The following NCALD variants were observed in gnomAD, a reference collection of about 807,000 sequenced individuals.
NCALD encodes the protein neurocalcin delta, also known as neurocalcin-delta.
A neutral mutation model predicts 18.6 loss-of-function variants in NCALD; 10 were observed. The ratio of observed to expected loss-of-function variants is 0.54; its 90% CI spans 0.33 to 0.91. The LOEUF is 0.91. Among genes scored for constraint, NCALD ranks in the 40% least tolerant of loss-of-function variants. The pLI is 0.03. For synonymous variants in NCALD, 88 were observed against 87.4 expected, an observed-to-expected ratio of 1.01 and a Z score of -0.04; for missense variants, 184 against 247.6, an observed-to-expected ratio of 0.74 and a Z score of 1.72.
chr8:101,721,117 C>G (rs984852053), intron 1 of NCALD: 4 of 151,850 alleles, frequency 2.6e-5, no homozygotes, highest in African/African-American at 9.7e-5. Flanking sequence ...CAAGATAAAC[C>G]CCATCTCAAA....
At chr8:101,912,938 G>A (rs1181353824) in intron 3 of NCALD, among the ~76,000 whole-genome samples, 5 of 152,260 alleles carry the variant, frequency 3.3e-5, no homozygotes, top group East Asian at 1.9e-4. Flanking sequence ...CCTGTGAGAT[G>A]CCACATGGGA....
intron 1 of NCALD, among the ~76,000 whole-genome samples, chr8:101,763,969 C>CTCTCT (rs1563744221): frequency 1.6e-4 from 2 of 12,760 alleles, no homozygotes; most frequent in African/African-American, 3.1e-4. Context: ...TCTCTCTCCA[C>CTCTCT]ACACACACAC....
chr8:101,947,156 G>A (rs1285825574), intron 2 of NCALD, among the ~76,000 whole-genome samples: 4 of 152,206 alleles, frequency 2.6e-5, no homozygotes, highest in East Asian at 1.9e-4. Context: ...CTACTGAGAT[G>A]TGGAAGTGGT....
intron 1 of NCALD, among the ~76,000 whole-genome samples, chr8:102,082,293 C>T (rs1824574324): frequency 8.0e-6 from 1 of 125,648 alleles, no homozygotes; most frequent in African/African-American, 3.1e-5. Flanking sequence ...AGTGCAGTGG[C>T]GCAGTCTGGG....
chr8:102,041,625 CA>C (rs1823053405), intron 1 of NCALD, among the ~76,000 whole-genome samples: 1 of 152,216 alleles, frequency 6.6e-6, no homozygotes, highest in African/African-American at 2.4e-5. Flanking sequence ...CTTTCAAAGC[CA>C]GTTTGATACA....
At chr8:102,023,156 C>A (rs1822334165) in intron 1 of NCALD, among the ~76,000 whole-genome samples, 1 of 152,182 alleles carries the variant, frequency 6.6e-6, no homozygotes, top group African/African-American at 2.4e-5. Flanking sequence ...GCCCTGAAGG[C>A]CCAGGCAGTG....
chr8:102,075,994 C>T (rs1824333423), intron 1 of NCALD, among the ~76,000 whole-genome samples: 1 of 150,806 alleles, frequency 6.6e-6, no homozygotes, highest in East Asian at 1.9e-4. Context: ...AATAAATGTC[C>T]CCAAAGAGAA....
At chr8:101,810,280 A>G (rs1303602687) in intron 4 of NCALD, among the ~76,000 whole-genome samples, 2 of 152,108 alleles carry the variant, frequency 1.3e-5, no homozygotes, top group African/African-American at 2.4e-5. Context: ...CCTTGATTGT[A>G]TTGTCTGTAA....
intron 4 of NCALD, among the ~76,000 whole-genome samples, chr8:101,821,648 T>A (rs1035348062): frequency 7.2e-5 from 11 of 152,088 alleles, no homozygotes; most frequent in Non-Finnish European, 4.4e-5. Context: ...ATGGAAGTCA[T>A]CAAAGTGCTT....
At chr8:102,035,867 C>CCTTT (rs1283118573) in intron 1 of NCALD, among the ~76,000 whole-genome samples, 1 of 152,054 alleles carries the variant, frequency 6.6e-6, no homozygotes, top group Non-Finnish European at 1.5e-5. Flanking sequence ...TCATGGCAAC[C>CCTTT]CTTTCCCCAA....
In NCALD at chr8:101,982,406, A is replaced by G. The variant is rs1820652973; in HGVS notation, c.-157+37831T>C. Reference sequence around the variant, plus strand: ...TAAACTATAAGTTTTACAGTTTACAAAGCACTTTATAACTATAAACTAACT... The same window carrying G: ...TAAACTATAAGTTTTACAGTTTACAGAGCACTTTATAACTATAAACTAACT... On this transcript the variant is annotated intron_variant, in intron 2 of 6. Coordinates refer to the NCALD transcript ENST00000311028. Among the ~76,000 whole-genome samples the G allele has an allele frequency of 2.0e-5, 3 of 152,242 alleles. No individual in the cohort carries two copies. In the South Asian group the frequency reaches 6.2e-4, roughly 32 times the overall value.
chr8:101,825,421 G>A (rs750629230), intron 4 of NCALD, among the ~76,000 whole-genome samples: 2 of 152,252 alleles, frequency 1.3e-5, no homozygotes, highest in East Asian at 1.9e-4. Flanking sequence ...CAGTCTCAAC[G>A]GAAGCATCCT....
chr8:101,928,150 T>C (rs1818406187), intron 2 of NCALD, among the ~76,000 whole-genome samples: 1 of 152,118 alleles, frequency 6.6e-6, no homozygotes, highest in South Asian at 2.1e-4. Context: ...AAATAACTAA[T>C]TAAGATTGTC....
chr8:102,105,721 T>G (rs1208460705), intron 1 of NCALD, among the ~76,000 whole-genome samples: 1 of 152,192 alleles, frequency 6.6e-6, no homozygotes, highest in Non-Finnish European at 1.5e-5. Flanking sequence ...CCAGCTGTAC[T>G]TTGATTCACT....
chr8:101,836,119 A>G (rs1036248747), intron 4 of NCALD, among the ~76,000 whole-genome samples: 13 of 152,142 alleles, frequency 8.5e-5, no homozygotes, highest in South Asian at 4.2e-4. Context: ...CTCTTTTCCA[A>G]CTGAAGAGCC....
At chr8:101,980,392 G>T (rs1820575004) in intron 2 of NCALD, among the ~76,000 whole-genome samples, 1 of 152,162 alleles carries the variant, frequency 6.6e-6, no homozygotes, top group Admixed American at 6.6e-5. Flanking sequence ...AAGCAAGGAG[G>T]CCGGATTTAT....
chr8:102,043,604 G>A (rs1316949923), intron 1 of NCALD, among the ~76,000 whole-genome samples: 1 of 151,554 alleles, frequency 6.6e-6, no homozygotes, highest in Non-Finnish European at 1.5e-5. Flanking sequence ...TAAAATGTTA[G>A]GCGGTTAGTT....
chr8:101,843,143 C>A (rs1814712908), intron 4 of NCALD, among the ~76,000 whole-genome samples: 1 of 152,080 alleles, frequency 6.6e-6, no homozygotes, highest in African/African-American at 2.4e-5. Context: ...GTTATATGTG[C>A]ACAATAAACC....
Position 101,797,514 on chromosome 8 carries a change from T to C in NCALD, c.-19-77866A>G, listed in dbSNP as rs567556336. 2.6e-5 allele frequency among the ~76,000 whole-genome samples: 4 copies of C among 151,998 alleles called. No homozygotes were observed. In the South Asian group the frequency reaches 8.3e-4, roughly 32 times the overall value. ...TTTTTTATTATATATACAGAGAAAA[T>C]GTTCTTTAAAAATGAATGTGGAGGC... On this transcript the variant is annotated intron_variant, in intron 4 of 6. Transcript: ENST00000311028.
Sources: allele counts gnomAD v4.1 joint callset (sites outside exome capture counted in the v4.1 genomes callset), GRCh38; gene constraint gnomAD v4.1.1; transcripts MANE v1.5; gene names NCBI Gene and HGNC (gene_info 2026-07-23, HGNC 2026-07-21).